Variants in PPP6R2 observed in about 807,000 individuals in gnomAD.
PPP6R2 encodes protein phosphatase 6 regulatory subunit 2.
In PPP6R2, 62 loss-of-function variants were observed where a neutral mutation model predicts 100.2. The ratio of observed to expected loss-of-function variants is 0.62; its 90% CI spans 0.50 to 0.76. The LOEUF is 0.76. Among genes scored for constraint, PPP6R2 ranks in the 30% least tolerant of loss-of-function variants. PPP6R2 has a pLI of 0.00. For synonymous variants in PPP6R2, 525 were observed against 514.7 expected (o/e 1.02, Z -0.27); for missense variants, 1,142 against 1,276.3 (o/e 0.89, Z 1.60).
chr22:50,430,653 C>G (rs1052705621), intron 10 of PPP6R2, among the ~76,000 whole-genome samples: 1 of 152,128 alleles, frequency 6.6e-6, no homozygotes, highest in Non-Finnish European at 1.5e-5. Flanking sequence ...GCGGGCAGAT[C>G]ACCTGAGGTT....
chr22:50,376,623 C>T (rs1053677581), intron 2 of PPP6R2, among the ~76,000 whole-genome samples: 9 of 151,520 alleles, frequency 5.9e-5, no homozygotes, highest in African/African-American at 1.5e-4. Context: ...AGGTTTTTGC[C>T]GTGTTGCCCA....
At chr22:50,361,813 G>C (rs1165864624) in intron 1 of PPP6R2, among the ~76,000 whole-genome samples, 1 of 152,116 alleles carries the variant, frequency 6.6e-6, no homozygotes, top group African/African-American at 2.4e-5. Context: ...CGTAGGTGCG[G>C]ACTAGGGCCT....
At chr22:50,359,136 A>G (rs2047249796) in intron 1 of PPP6R2, among the ~76,000 whole-genome samples, 1 of 150,000 alleles carries the variant, frequency 6.7e-6, no homozygotes, top group Non-Finnish European at 1.5e-5. Flanking sequence ...AGTAGCTGGG[A>G]TTATGGGCAC....
intron 2 of PPP6R2, among the ~76,000 whole-genome samples, chr22:50,383,367 G>A (rs892288209): frequency 6.6e-6 from 1 of 152,294 alleles, no homozygotes; most frequent in Non-Finnish European, 1.5e-5. Flanking sequence ...TTATTCTGCT[G>A]TTTGGGTAAA....
At chr22:50,416,060 G>T in intron 5 of PPP6R2, 32 bp from the exon 6 acceptor site, 1 of 1,584,314 alleles carries the variant, frequency 6.3e-7, no homozygotes, top group Non-Finnish European at 8.7e-7. Flanking sequence ...GACTTGAGCA[G>T]CGACACTGAA....
intron 2 of PPP6R2, among the ~76,000 whole-genome samples, chr22:50,389,354 G>C (rs1414031075): frequency 6.6e-6 from 1 of 152,200 alleles, no homozygotes; most frequent in Non-Finnish European, 1.5e-5. Context: ...GGGCCAACCA[G>C]GAAGATGCTA....
intron 1 of PPP6R2, among the ~76,000 whole-genome samples, chr22:50,351,621 T>C (rs964242321): frequency 1.3e-5 from 2 of 151,978 alleles, no homozygotes; most frequent in African/African-American, 4.8e-5. Flanking sequence ...CAGCATTTGC[T>C]GTTTTGTTTT....
chr22:50,362,680 G>A (rs756507245), intron 1 of PPP6R2, among the ~76,000 whole-genome samples: 8 of 152,236 alleles, frequency 5.3e-5, no homozygotes, highest in Non-Finnish European at 1.0e-4. Flanking sequence ...ATTAGGTTCC[G>A]TGAGGTCACC....
At position 50,444,013 on chromosome 22, in the gene PPP6R2, A is replaced by T. The variant is rs1468660826; in HGVS notation, c.2727A>T (p.Pro909=). Residue 909 remains proline, a synonymous_variant, in exon 23 of 24, where the codon CCA becomes CCT. Transcript: ENST00000612753. ...AGGCTGGCCCCGCCATACCCACCCCAGCAGTCTCTTCTGCACTGGCCGTGG... is the reference window on the plus strand; with the variant it reads ...AGGCTGGCCCCGCCATACCCACCCCTGCAGTCTCTTCTGCACTGGCCGTGG... ...LSKAGPAIPT[P]AVSSALAVAV... is the part of the protein sequence containing the mutation. 3 of 1,613,350 alleles carry T rather than the reference A, an allele frequency of 1.9e-6. No individual in the cohort carries two copies. In the Admixed American group the frequency reaches 5.0e-5, roughly 27 times the overall value.
At chr22:50,358,135 G>C (rs1374775746) in intron 1 of PPP6R2, among the ~76,000 whole-genome samples, 1 of 151,262 alleles carries the variant, frequency 6.6e-6, no homozygotes, top group Non-Finnish European at 1.5e-5. Context: ...AAAAATTCTT[G>C]GTAGAGATGG....
At chr22:50,402,025 T>A (rs1251580463) in intron 3 of PPP6R2, among the ~76,000 whole-genome samples, 1 of 152,182 alleles carries the variant, frequency 6.6e-6, no homozygotes, top group African/African-American at 2.4e-5. Context: ...TCTTAATGTG[T>A]CATCTCTGAG....
intron 3 of PPP6R2, among the ~76,000 whole-genome samples, chr22:50,400,280 T>TCTC (rs2057805430): frequency 6.6e-6 from 1 of 152,214 alleles, no homozygotes; most frequent in Admixed American, 6.5e-5. Context: ...CCATTGTCCA[T>TCTC]CTCCTGTCAT....
In PPP6R2 at chr22:50,436,925, G is replaced by C. The variant is rs900840015; in HGVS notation, c.1603-63G>C. On this transcript the variant is annotated intron_variant, in intron 14 of 23. Coordinates refer to ENST00000612753, the MANE Select transcript of PPP6R2 (RefSeq NM_001242898.2). ...GGCTGGGCATGGTCCTGGGCGCTGG[G>C]CTGGGTGGGGTCTGGGGCGCTGGGC... The C allele has an allele frequency of 2.2e-6, 3 of 1,378,086 alleles. No individual in the cohort carries two copies. In the African/African-American group the frequency reaches 4.3e-5, roughly 20 times the overall value. The allele number at this position is 1,378,086 out of a possible 1,614,324, so 85.4% of individuals were successfully genotyped here.
chr22:50,437,181 G>C (rs2064505811), intron 15 of PPP6R2, 113 bp downstream of exon 15: 1 of 1,115,596 alleles, frequency 9.0e-7, no homozygotes, highest in Non-Finnish European at 1.3e-6. Flanking sequence ...GGGGAGCGGG[G>C]GCTCGTCTCC....
At chr22:50,338,081 ATGTGT>A in the PPP6R2 span, among the ~76,000 whole-genome samples, 1 of 72,296 alleles carries the variant, frequency 1.4e-5, no homozygotes, top group African/African-American at 5.8e-5. Flanking sequence ...GGTGTGTGTG[ATGTGT>A]AGTGTGTGTG....
rs2059000714 is a variant in PPP6R2, at chr22:50,406,644, G to C, written c.228-45G>C. 4 of 1,559,526 alleles carry C rather than the reference G, an allele frequency of 2.6e-6. No homozygotes were observed. The African/African-American group carries it at 4.1e-5, about 16-fold the overall frequency. On this transcript the variant is annotated intron_variant, in intron 3 of 23. Transcript: ENST00000612753. The stretch of plus-strand genomic sequence containing the variant: ...TATGTAAGCAGCTTCCTAAGAGTTG[G>C]AGAAGTCTAATTTCACCTCCAGTGC...
In PPP6R2 at chr22:50,439,556, C is replaced by T. The variant is rs953118953; in HGVS notation, c.2129-145C>T. Reference sequence around the variant, plus strand: ...CCCCTGTTGCTCCTTGAGGGGCTGACGGGCACTGCCTGGGCCTCCCTCCTG... The same window carrying T: ...CCCCTGTTGCTCCTTGAGGGGCTGATGGGCACTGCCTGGGCCTCCCTCCTG... On this transcript the variant is annotated intron_variant, in intron 19 of 23. Transcript: ENST00000612753. 119 of 896,302 alleles carry T rather than the reference C, an allele frequency of 1.3e-4. 1 individual carries two copies. The Admixed American group carries it at 1.7e-3, about 13-fold the overall frequency. 55.5% of individuals were successfully genotyped at this position (896,302 alleles called of 1,614,324 possible).
intron 12 of PPP6R2, among the ~76,000 whole-genome samples, chr22:50,432,901 G>A (rs1165700167): frequency 6.6e-6 from 1 of 152,216 alleles, no homozygotes; most frequent in African/African-American, 2.4e-5. Context: ...TGTACAGCAT[G>A]GAGGTCCCGC....
Position 50,378,011 on chromosome 22 carries a change from A to G in PPP6R2, c.-17+5861A>G, listed in dbSNP as rs561354098. ...GCAAGACTCCGTCTCAAAATAAAAG[A>G]AGTCTACAGATTTGAGAAGACAAAT... On this transcript the variant is annotated intron_variant, in intron 2 of 23. Transcript: ENST00000612753. Among the ~76,000 whole-genome samples the G allele has an allele frequency of 5.9e-5, 9 of 152,346 alleles. No individual in the cohort carries two copies. In the South Asian group the frequency reaches 1.9e-3, roughly 32 times the overall value.
Sources: gnomAD v4.1 joint callset for allele counts (sites outside exome capture counted in the v4.1 genomes callset) on GRCh38, gnomAD v4.1.1 for gene constraint, MANE v1.5 for transcripts, NCBI Gene and HGNC (gene_info 2026-07-23, HGNC 2026-07-21) for gene names.